The following STXBP3 variants were observed in gnomAD, a reference collection of about 807,000 sequenced individuals.
STXBP3 encodes the protein syntaxin binding protein 3, also known as syntaxin-binding protein 3.
STXBP3 carries 41 observed loss-of-function variants against 85.7 expected under a neutral mutation model. The observed-to-expected ratio is 0.48, with a 90% CI of 0.37 to 0.62. The LOEUF is 0.62. STXBP3 is among the 20% of genes least tolerant of loss of function. STXBP3 has a pLI of 0.00. For missense variants in STXBP3, 563 were observed against 703.1 expected (o/e 0.80, Z 2.25); for synonymous variants, 229 against 231.7 (o/e 0.99, Z 0.10).
intron 1 of STXBP3, among the ~76,000 whole-genome samples, chr1:108,748,262 A>C (rs963294194): frequency 6.6e-5 from 10 of 152,228 alleles, no homozygotes; most frequent in African/African-American, 2.4e-4. Flanking sequence ...GGCCAGGTGC[A>C]GTGGTTCACG....
rs1272496681 is a variant in STXBP3 at position 108,746,773 on chromosome 1, C to T, written c.36C>T (p.Ser12=). ...CGGTGGCAGAGAGGGGGCTAAAGAGCGTCGTGTGGCAGAGTGAGTGCGGTG... is the reference window on the plus strand; with the variant it reads ...CGGTGGCAGAGAGGGGGCTAAAGAGTGTCGTGTGGCAGAGTGAGTGCGGTG... ...APPVAERGLK[S]VVWQKIKATV... is the part of the protein sequence containing the mutation. The change falls in exon 1 of 19, where the codon AGC becomes AGT. Residue 12 remains serine (S), a synonymous_variant. Transcript: ENST00000370008. The T allele has an allele frequency of 3.2e-6, 5 of 1,549,936 alleles. No homozygotes were observed. In the African/African-American group the frequency reaches 5.5e-5, roughly 17 times the overall value.
Position 108,800,347 on chromosome 1 carries a change from G to A in STXBP3, c.1535+42G>A, listed in dbSNP as rs777362021. ...AAAATCAATGAAATTTTCATTCTAC[G>A]GACTAATAATTTAAAATGGTACACA... On this transcript the variant is annotated intron_variant, in intron 17 of 18. Transcript: ENST00000370008. The A allele has an allele frequency of 4.7e-5, 68 of 1,441,640 alleles. No individual in the cohort carries two copies. In the East Asian group the frequency reaches 8.0e-4, roughly 17 times the overall value. The allele number at this position is 1,441,640 out of a possible 1,614,324, so 89.3% of individuals were successfully genotyped here.
rs1259663336 is a variant in STXBP3, at chr1:108,746,681, C to A, written c.-57C>A. 1.3e-6 allele frequency: 2 copies of A among 1,544,844 alleles called. No individual in the cohort carries two copies. Among genetic ancestry groups the A allele is most frequent in the South Asian group, 1.2e-5 (1 of 83,902 alleles). On this transcript the variant is annotated 5_prime_UTR_variant, in exon 1 of 19. Transcript: ENST00000370008. ...CGGGGCCACCCCAACGCCGCTTCTG[C>A]GGCCAAAGTAGGTTGGGAGTGGAAG...
At chr1:108,770,093 C>A (rs564545069) in intron 6 of STXBP3, among the ~76,000 whole-genome samples, 9 of 152,096 alleles carry the variant, frequency 5.9e-5, no homozygotes, top group African/African-American at 2.2e-4. Context: ...AGTACTAGAC[C>A]AGCCTGGGCA....
intron 17 of STXBP3, among the ~76,000 whole-genome samples, chr1:108,801,782 C>T (rs1418151334): frequency 6.6e-6 from 1 of 152,018 alleles, no homozygotes; most frequent in Non-Finnish European, 1.5e-5. Context: ...GAGCCTCCCA[C>T]CTCAGCCTCC....
intron 11 of STXBP3, among the ~76,000 whole-genome samples, chr1:108,787,115 T>C (rs1038000672): frequency 1.3e-5 from 2 of 152,172 alleles, no homozygotes; most frequent in African/African-American, 4.8e-5. Context: ...TTGCTAAATT[T>C]ATTTTTTAAT....
intron 17 of STXBP3, among the ~76,000 whole-genome samples, chr1:108,805,381 T>TAATGAATGGAAGC (rs989871762): frequency 6.6e-6 from 1 of 151,932 alleles, no homozygotes; most frequent in Non-Finnish European, 1.5e-5. Flanking sequence ...TTCTTTAAGG[T>TAATGAATGGAAGC]AATGAATGGA....
intron 1 of STXBP3, among the ~76,000 whole-genome samples, chr1:108,747,417 G>A (rs1285479736): frequency 2.0e-5 from 3 of 152,028 alleles, no homozygotes; most frequent in African/African-American, 7.2e-5. Flanking sequence ...GGCAAGAGCC[G>A]CTCCTTCCGT....
chr1:108,807,190 G>A (rs1449520919), intron 17 of STXBP3, among the ~76,000 whole-genome samples: 7 of 151,154 alleles, frequency 4.6e-5, no homozygotes, highest in Admixed American at 2.0e-4. Context: ...CCCAGGAGGC[G>A]GAGGTTGCAG....
intron 11 of STXBP3, among the ~76,000 whole-genome samples, chr1:108,793,123 A>C (rs1663011532): frequency 6.8e-6 from 1 of 146,122 alleles, no homozygotes; most frequent in Non-Finnish European, 1.5e-5. Flanking sequence ...TCTGCTTCCC[A>C]AAATCTACCT....
intron 6 of STXBP3, chr1:108,767,730 C>G (rs1662298171): frequency 6.6e-6 from 1 of 152,650 alleles, no homozygotes; most frequent in Non-Finnish European, 1.5e-5. Context: ...ACCACAGATG[C>G]ATGCCAGCAC....
At chr1:108,778,943 A>G (rs1662654504) in intron 8 of STXBP3, among the ~76,000 whole-genome samples, 1 of 152,064 alleles carries the variant, frequency 6.6e-6, no homozygotes, top group Non-Finnish European at 1.5e-5. Context: ...CAAATACTGT[A>G]TTTTCTATCT....
At chr1:108,776,704 G>T (rs1021075387) in intron 8 of STXBP3, among the ~76,000 whole-genome samples, 3 of 152,104 alleles carry the variant, frequency 2.0e-5, no homozygotes, top group African/African-American at 7.2e-5. Context: ...GGCAAATTAT[G>T]TAACTTCTAT....
Position 108,775,600 on chromosome 1 carries a change from C to CT in STXBP3, c.594-730dup, listed in dbSNP as rs1320822461. Among the ~76,000 whole-genome samples, 3 of 152,178 alleles carry CT rather than the reference C, an allele frequency of 2.0e-5. No homozygotes were observed. The East Asian group carries it at 5.8e-4, about 29-fold the overall frequency. Reference sequence around the variant, plus strand: ...CCAGCCTCTGGTAACCATCTTTCTACTTTCTGCATGAGAATTGTTTTCATT... The same window carrying CT: ...CCAGCCTCTGGTAACCATCTTTCTACTTTTCTGCATGAGAATTGTTTTCATT... On this transcript the variant is annotated intron_variant, in intron 7 of 18. Transcript: ENST00000370008.
chr1:108,772,387 T>TATC (rs1285004491), intron 6 of STXBP3, among the ~76,000 whole-genome samples: 2 of 17,934 alleles, frequency 1.1e-4, no homozygotes, highest in Admixed American at 3.0e-4. Context: ...ATGATATCTG[T>TATC]ATATATAAAT....
intron 7 of STXBP3, among the ~76,000 whole-genome samples, chr1:108,774,744 G>T (rs1372294664): frequency 2.0e-5 from 3 of 148,964 alleles, no homozygotes; most frequent in Non-Finnish European, 4.4e-5. Context: ...CTCCCAAAGT[G>T]CTGGGATTAT....
rs751423275 is a variant in STXBP3 at position 108,772,812 on chromosome 1, T to C, written c.586T>C (p.Tyr196His). Residue 196 changes from tyrosine to histidine, a missense_variant, in exon 7 of 19, where the codon TAT (tyrosine) becomes CAT (histidine). By Grantham distance (83) the Tyr-to-His change is moderately conservative. Around this residue, in one of 3 missense-constraint regions of STXBP3, gnomAD observed 494 missense variants for 592.8 expected, o/e 0.83. Transcript: ENST00000370008. Reference protein sequence around the residue: ...ATLDENPGVRYKSKPLDNASK... With the variant: ...ATLDENPGVRHKSKPLDNASK... ...CTTGGATGAAAATCCCGGAGTAAGA[T>C]ATAAAAGGTAAGACACTGAGCATCT... 2.5e-6 allele frequency: 4 copies of C among 1,591,448 alleles called. No individual in the cohort carries two copies. The highest frequency in any genetic ancestry group is 3.4e-6 in the Non-Finnish European group (4 of 1,167,386).
intron 11 of STXBP3, among the ~76,000 whole-genome samples, chr1:108,790,460 T>C (rs1662951713): frequency 6.6e-6 from 1 of 152,140 alleles, no homozygotes; most frequent in African/African-American, 2.4e-5. Flanking sequence ...ACCTGTGTCT[T>C]GATATTTAAA....
chr1:108,804,034 C>T (rs1185179910), intron 17 of STXBP3, among the ~76,000 whole-genome samples: 1 of 152,088 alleles, frequency 6.6e-6, no homozygotes, highest in African/African-American at 2.4e-5. Flanking sequence ...ATTCTCTGTG[C>T]TATGTGTATC....
Sources: allele counts gnomAD v4.1 joint callset (sites outside exome capture counted in the v4.1 genomes callset), GRCh38; gene constraint gnomAD v4.1.1; regional missense constraint gnomAD v4.1.1; transcripts MANE v1.5; gene names NCBI Gene and HGNC (gene_info 2026-07-23, HGNC 2026-07-21).